GRK4: variants seen among roughly 807,000 people sequenced by gnomAD.
GRK4 encodes the protein G protein-coupled receptor kinase 2-like.
A neutral mutation model predicts 77.9 loss-of-function variants in GRK4; 73 were observed. That is an observed-to-expected ratio of 0.94 (90% CI 0.78 to 1.14). GRK4 has a LOEUF of 1.14. GRK4 is among the 50% of genes most tolerant of loss of function. GRK4 has a pLI of 0.00. For synonymous variants in GRK4, 257 were observed against 254.4 expected, an observed-to-expected ratio of 1.01 and a Z score of -0.10; for missense variants, 729 against 700.2, an observed-to-expected ratio of 1.04 and a Z score of -0.46.
chr4:3,037,585 G>A, intron 14 of GRK4, 74 bp downstream of exon 14: 2 of 955,966 alleles, frequency 2.1e-6, no homozygotes, highest in Non-Finnish European at 2.9e-6. Context: ...GTGTGTGTCC[G>A]TGTGTGTGTG....
chr4:2,999,358 G>C (rs1728882448), intron 4 of GRK4, among the ~76,000 whole-genome samples: 1 of 152,142 alleles, frequency 6.6e-6, no homozygotes, highest in Non-Finnish European at 1.5e-5. Context: ...CCATTCCTGA[G>C]GGGCAGAGTC....
intron 3 of GRK4, 50 bp downstream of exon 3, chr4:2,988,889 A>C: frequency 1.6e-6 from 2 of 1,246,822 alleles, no homozygotes; most frequent in Non-Finnish European, 2.4e-6. Flanking sequence ...TATGCTTTTG[A>C]AAATGTAAAA....
chr4:2,964,421 G>A (rs1480517692), intron 1 of GRK4, among the ~76,000 whole-genome samples: 1 of 152,014 alleles, frequency 6.6e-6, no homozygotes, highest in Admixed American at 6.5e-5. Flanking sequence ...GTGTGACCTC[G>A]GTGACAGTGT....
chr4:2,964,172 C>G lies in GRK4; in HGVS notation c.52+50C>G, dbSNP rs756732296. ...ACCCCCCCCCCAGAGAACCCCGAAT[C>G]CCGGGGAACCCTGGCCCCCCTGAAG... is the stretch of plus-strand genomic sequence containing the variant. On this transcript the variant is annotated intron_variant, in intron 1 of 15. Coordinates refer to ENST00000398052, the MANE Select transcript of GRK4 (RefSeq NM_182982.3). The G allele has an allele frequency of 7.8e-6, 11 of 1,407,866 alleles. No individual in the cohort carries two copies. In the African/African-American group the frequency reaches 1.7e-4, roughly 22 times the overall value. The allele number at this position is 1,407,866 out of a possible 1,614,324, so 87.2% of individuals were successfully genotyped here.
chr4:3,030,475 T>G (rs935266245), intron 12 of GRK4, among the ~76,000 whole-genome samples: 1 of 152,210 alleles, frequency 6.6e-6, no homozygotes, highest in African/African-American at 2.4e-5. Flanking sequence ...TCTTGTATGT[T>G]CCAGGCACCG....
intron 13 of GRK4, among the ~76,000 whole-genome samples, chr4:3,036,515 C>G (rs1034553588): frequency 1.3e-5 from 2 of 152,242 alleles, no homozygotes; most frequent in African/African-American, 4.8e-5. Flanking sequence ...CGGGTGCCTC[C>G]GGCATGAGCA....
Position 3,037,519 on chromosome 4 carries a change from C to T in GRK4, c.1545+8C>T. 6.3e-7 allele frequency: 1 copy of T among 1,595,622 alleles called. No individual in the cohort carries two copies. The highest frequency in any genetic ancestry group is 1.1e-5 in the South Asian group (1 of 90,504). The stretch of plus-strand genomic sequence containing the variant: ...ATCCCCTGGCAGAATGAGGTACTGC[C>T]CTTCCAGCACAGCCGCTTTACGTTA... On this transcript the variant is annotated splice_region_variant and intron_variant, in intron 14 of 15. Transcript: ENST00000398052.
At chr4:2,981,952 A>G (rs955141516) in intron 1 of GRK4, among the ~76,000 whole-genome samples, 4 of 152,252 alleles carry the variant, frequency 2.6e-5, no homozygotes, top group African/African-American at 9.6e-5. Flanking sequence ...CTGGTGTGTC[A>G]GCACCGCCCC....
chr4:3,007,319 G>C (rs1246652412), intron 5 of GRK4, among the ~76,000 whole-genome samples: 1 of 152,218 alleles, frequency 6.6e-6, no homozygotes, highest in African/African-American at 2.4e-5. Flanking sequence ...TACAGAAGGA[G>C]AAACTGAGGC....
chr4:3,029,247 G>C lies in GRK4; in HGVS notation c.1107G>C (p.Trp369Cys). 1 of 1,614,044 alleles carries C rather than the reference G, an allele frequency of 6.2e-7. No homozygotes were observed. The highest frequency in any genetic ancestry group is 8.5e-7 in the Non-Finnish European group (1 of 1,179,898). The change falls in exon 12 of 16, where the codon TGG becomes TGC. Residue 369 changes from tryptophan (W) to cysteine (C), a missense_variant. By Grantham distance (215) the Trp-to-Cys change is radical. Coordinates refer to ENST00000398052, the MANE Select transcript of GRK4 (RefSeq NM_182982.3). ...AAAAGTATACGTTTAGTCCCGATTG[G>C]TGGGGACTTGGCTGTCTGATCTATG... ...NNEKYTFSPD[W>C]WGLGCLIYEM...
At chr4:2,982,784 T>A (rs1478205325) in intron 1 of GRK4, among the ~76,000 whole-genome samples, 4 of 152,230 alleles carry the variant, frequency 2.6e-5, no homozygotes, top group Non-Finnish European at 5.9e-5. Context: ...GGAATGAGTT[T>A]CTGTGTTCTC....
chr4:3,003,254 A>G (rs1254109544), intron 4 of GRK4, among the ~76,000 whole-genome samples: 1 of 152,054 alleles, frequency 6.6e-6, no homozygotes, highest in African/African-American at 2.4e-5. Flanking sequence ...CAGTGGCACA[A>G]TCTCAGCTCA....
intron 4 of GRK4, among the ~76,000 whole-genome samples, chr4:2,997,147 T>C (rs1386138271): frequency 6.6e-6 from 1 of 152,194 alleles, no homozygotes; most frequent in Non-Finnish European, 1.5e-5. Context: ...ACATTGTTAG[T>C]TTTTCTTAGT....
At chr4:2,990,149 C>T (rs1256600510) in intron 3 of GRK4, among the ~76,000 whole-genome samples, 4 of 150,512 alleles carry the variant, frequency 2.7e-5, no homozygotes, top group Non-Finnish European at 4.4e-5. Context: ...AAAACATTTG[C>T]GGCTGTTTTG....
intron 10 of GRK4, among the ~76,000 whole-genome samples, chr4:3,025,203 G>A (rs1395008727): frequency 8.1e-5 from 12 of 148,858 alleles, no homozygotes; most frequent in East Asian, 2.0e-4. Flanking sequence ...CCTGGGAGGC[G>A]GAGGTTGCAG....
intron 9 of GRK4, among the ~76,000 whole-genome samples, chr4:3,020,707 G>A (rs1346118644): frequency 2.0e-5 from 3 of 151,828 alleles, no homozygotes; most frequent in Admixed American, 1.3e-4. Context: ...AGTTATAGTC[G>A]GTCCCCCATA....
intron 8 of GRK4, among the ~76,000 whole-genome samples, chr4:3,015,912 ATT>A (rs60758953): frequency 0.018 from 2,479 of 139,794 alleles, 58 homozygotes; most frequent in African/African-American, 0.058. Context: ...CCATCACCCT[ATT>A]TTTTTTTTTT....
At chr4:2,986,431 A>G (rs905488757) in intron 2 of GRK4, among the ~76,000 whole-genome samples, 2 of 136,886 alleles carry the variant, frequency 1.5e-5, no homozygotes, top group African/African-American at 5.7e-5. Context: ...ATCTCGGCTC[A>G]CTGCAAGCTC....
intron 2 of GRK4, chr4:2,985,759 G>C (rs1724120537): frequency 9.5e-6 from 3 of 314,362 alleles, no homozygotes; most frequent in Non-Finnish European, 1.9e-5. Context: ...AGCACTTTGG[G>C]AGACTGAGGT....
Sources: allele counts gnomAD v4.1 joint callset (sites outside exome capture counted in the v4.1 genomes callset), GRCh38; gene constraint gnomAD v4.1.1; transcripts MANE v1.5; gene names NCBI Gene and HGNC (gene_info 2026-07-23, HGNC 2026-07-21).